ROBO2: variants seen among roughly 807,000 people sequenced by gnomAD.
ROBO2 encodes roundabout guidance receptor 2.
In ROBO2, 53 loss-of-function variants were observed where a neutral mutation model predicts 160.8. That is an observed-to-expected ratio of 0.33 (90% CI 0.26 to 0.41). The LOEUF is 0.41. ROBO2 is among the 10% of genes least tolerant of loss of function. The pLI, the probability that ROBO2 is intolerant of heterozygous loss-of-function variation, is 1.00. For missense variants in ROBO2, 1,577 were observed against 1,722.4 expected, an observed-to-expected ratio of 0.92 and a Z score of 1.49; for synonymous variants, 664 against 611.7, an observed-to-expected ratio of 1.09 and a Z score of -1.26.
At chr3:76,542,425 C>A (rs1201759373) in intron 2 of ROBO2, among the ~76,000 whole-genome samples, 1 of 152,090 alleles carries the variant, frequency 6.6e-6, no homozygotes, top group African/African-American at 2.4e-5. Flanking sequence ...GCCTTGGCTT[C>A]CCTTGCCTGG....
intron 2 of ROBO2, among the ~76,000 whole-genome samples, chr3:76,069,640 T>C (rs2068379479): frequency 1.3e-5 from 2 of 151,916 alleles, no homozygotes. Flanking sequence ...TTAATGAAAA[T>C]TAGAAACATC....
At chr3:76,318,077 G>A (rs1284823537) in intron 2 of ROBO2, among the ~76,000 whole-genome samples, 1 of 151,924 alleles carries the variant, frequency 6.6e-6, no homozygotes, top group Admixed American at 6.6e-5. Context: ...GAGATTTCAT[G>A]TTATTTACCT....
At chr3:77,405,792 G>A (rs902620332) in intron 2 of ROBO2, among the ~76,000 whole-genome samples, 1 of 152,112 alleles carries the variant, frequency 6.6e-6, no homozygotes, top group African/African-American at 2.4e-5. Context: ...TAATTTGATA[G>A]TGCAGAGGTG....
rs552084425 is a variant in ROBO2 at position 76,046,002 on chromosome 3, G to A, written c.109+108400G>A. ...TAAAGTAGTCCCAAAATTTTTTCCC[G>A]AGGAAGTCTTCACTTTGACTGCCAG... is the stretch of plus-strand genomic sequence containing the variant. On this transcript the variant is annotated intron_variant, in intron 2 of 26. Transcript: ENST00000487694. Among the ~76,000 whole-genome samples the A allele has an allele frequency of 5.9e-5, 9 of 151,390 alleles. No individual in the cohort carries two copies. In the East Asian group the frequency reaches 1.4e-3, roughly 23 times the overall value.
intron 2 of ROBO2, among the ~76,000 whole-genome samples, chr3:76,697,035 A>G (rs1047795173): frequency 1.1e-4 from 16 of 152,214 alleles, no homozygotes; most frequent in African/African-American, 7.2e-5. Flanking sequence ...CTGGAATATC[A>G]TGAAGTCTAT....
intron 2 of ROBO2, among the ~76,000 whole-genome samples, chr3:76,373,256 G>A (rs1434467928): frequency 6.6e-6 from 1 of 151,936 alleles, no homozygotes; most frequent in Non-Finnish European, 1.5e-5. Flanking sequence ...CTGCCTGATT[G>A]TAAAGAGCTC....
chr3:76,679,191 C>T (rs1221690035), intron 2 of ROBO2, among the ~76,000 whole-genome samples: 1 of 152,136 alleles, frequency 6.6e-6, no homozygotes, highest in Non-Finnish European at 1.5e-5. Flanking sequence ...ATAACACCCT[C>T]ATTTTTTAAT....
At chr3:77,112,159 C>T (rs1269861158) in intron 2 of ROBO2, among the ~76,000 whole-genome samples, 2 of 138,080 alleles carry the variant, frequency 1.4e-5, no homozygotes, top group Non-Finnish European at 3.0e-5. Flanking sequence ...GCCGCCGTCG[C>T]ATTCCAGCCT....
chr3:77,580,400 A>G (rs1559656653), intron 16 of ROBO2, among the ~76,000 whole-genome samples: 1 of 152,148 alleles, frequency 6.6e-6, no homozygotes, highest in Non-Finnish European at 1.5e-5. Flanking sequence ...CTCATTAGCA[A>G]TTTTGGTGCC....
intron 6 of ROBO2, among the ~76,000 whole-genome samples, chr3:77,532,212 TTCTTTTTTTTTCCTCTC>T (rs2153635670): frequency 6.6e-6 from 1 of 151,618 alleles, no homozygotes; most frequent in Non-Finnish European, 1.5e-5. Context: ...TCACACTTCT[TTCTTTTTTTTTCCTCTC>T]AGAACTTGGT....
chr3:76,631,329 T>C (rs2090015545), intron 2 of ROBO2, among the ~76,000 whole-genome samples: 1 of 152,178 alleles, frequency 6.6e-6, no homozygotes, highest in Non-Finnish European at 1.5e-5. Flanking sequence ...AAAAATCTTG[T>C]CATCTTTTGT....
At chr3:76,989,863 T>C (rs1578089315) in intron 2 of ROBO2, among the ~76,000 whole-genome samples, 1 of 152,294 alleles carries the variant, frequency 6.6e-6, no homozygotes, top group East Asian at 1.9e-4. Flanking sequence ...CACAGGCCCA[T>C]ACACATGTGG....
intron 2 of ROBO2, among the ~76,000 whole-genome samples, chr3:77,292,222 C>T (rs1266204395): frequency 6.6e-6 from 1 of 151,144 alleles, no homozygotes; most frequent in Non-Finnish European, 1.5e-5. Flanking sequence ...TAAGCTGAGG[C>T]TAGATCACCC....
intron 2 of ROBO2, among the ~76,000 whole-genome samples, chr3:77,214,905 G>A (rs2084711554): frequency 2.6e-5 from 4 of 152,044 alleles, no homozygotes; most frequent in African/African-American, 9.7e-5. Context: ...TTGAATATTG[G>A]CCCCCACTCT....
intron 1 of ROBO2, among the ~76,000 whole-genome samples, chr3:77,051,335 C>G (rs959060235): frequency 2.0e-5 from 3 of 152,120 alleles, no homozygotes; most frequent in African/African-American, 7.2e-5. Context: ...CCCCTTGCCT[C>G]CCACCTCCCT....
intron 6 of ROBO2, chr3:77,538,779 G>C (rs1224698870): frequency 3.9e-5 from 15 of 388,098 alleles, no homozygotes; most frequent in African/African-American, 3.2e-4. Flanking sequence ...AACCCAAACT[G>C]AGTTGAATAT....
intron 2 of ROBO2, among the ~76,000 whole-genome samples, chr3:76,755,064 A>G (rs2060892132): frequency 6.6e-6 from 1 of 151,860 alleles, no homozygotes; most frequent in African/African-American, 2.4e-5. Context: ...AATTAAATAA[A>G]TTCTGTAATT....
At chr3:77,022,365 G>T (rs1311131506) in intron 2 of ROBO2, among the ~76,000 whole-genome samples, 2 of 152,146 alleles carry the variant, frequency 1.3e-5, no homozygotes, top group Non-Finnish European at 2.9e-5. Context: ...GTGAGCCTGT[G>T]TCTCAAAACA....
intron 1 of ROBO2, among the ~76,000 whole-genome samples, chr3:75,910,325 T>G (rs1946518567): frequency 6.6e-6 from 1 of 152,228 alleles, no homozygotes; most frequent in Non-Finnish European, 1.5e-5. Flanking sequence ...CATTCATTGC[T>G]GAAAGTGAAT....
Sources: allele counts gnomAD v4.1 joint callset (sites outside exome capture counted in the v4.1 genomes callset), GRCh38; gene constraint gnomAD v4.1.1; transcripts MANE v1.5; gene names NCBI Gene and HGNC (gene_info 2026-07-23, HGNC 2026-07-21).